The following SPATA13 variants were observed in gnomAD, a reference collection of about 807,000 sequenced individuals.
SPATA13 encodes the protein spermatogenesis associated 13.
Under a neutral mutation model 104.0 loss-of-function variants are expected in SPATA13, and 50 were observed. That is an observed-to-expected ratio of 0.48 (90% confidence interval 0.38 to 0.61). SPATA13 has a LOEUF of 0.61. Ranked by LOEUF, SPATA13 falls within the 20% of genes least tolerant of loss-of-function variation. SPATA13 has a pLI of 0.00. For synonymous variants in SPATA13, 606 were observed against 667.5 expected (o/e 0.91, Z 1.42); for missense variants, 1,524 against 1,690.6 (o/e 0.90, Z 1.73).
At chr13:24,212,212 G>T (rs1484868608) in intron 1 of SPATA13, among the ~76,000 whole-genome samples, 3 of 151,622 alleles carry the variant, frequency 2.0e-5, no homozygotes, top group African/African-American at 7.3e-5. Flanking sequence ...CAGGAGTTCA[G>T]GGCTGTGGGG....
chr13:24,112,341 T>C (rs9553182), intron 3 of SPATA13, among the ~76,000 whole-genome samples: 52,847 of 152,080 alleles, frequency 0.35, 9,706 homozygotes, highest in African/African-American at 0.45. Context: ...TTGTTGCCCC[T>C]ACAGCACCTT....
At chr13:24,128,706 T>C (rs981397132) in intron 3 of SPATA13, among the ~76,000 whole-genome samples, 8 of 144,300 alleles carry the variant, frequency 5.5e-5, no homozygotes, top group Non-Finnish European at 9.0e-5. Flanking sequence ...TTCAGGAGAA[T>C]TTAAACATAA....
chr13:24,003,208 T>C (rs1331592910), intron 2 of SPATA13, among the ~76,000 whole-genome samples: 1 of 152,208 alleles, frequency 6.6e-6, no homozygotes, highest in East Asian at 1.9e-4. Context: ...TAGATGTACC[T>C]ATAGATAGAA....
At position 23,993,464 on chromosome 13, in the gene SPATA13, G is replaced by T. The variant is rs140815722; in HGVS notation, c.-147+9531G>T. On this transcript the variant is annotated intron_variant, in intron 2 of 14. Transcript: ENST00000424834. ...TTGTCTGCACATTTACGGCAATAAG[G>T]CTTCTCTGCAAATAAGAGAAAGCAT... 4.6e-5 allele frequency among the ~76,000 whole-genome samples: 7 copies of T among 152,280 alleles called. No individual in the cohort carries two copies. In the East Asian group the frequency reaches 1.2e-3, roughly 25 times the overall value.
At chr13:24,177,247 G>GA (rs1389301021) in intron 1 of SPATA13, among the ~76,000 whole-genome samples, 1 of 152,158 alleles carries the variant, frequency 6.6e-6, no homozygotes, top group Admixed American at 6.5e-5. Context: ...ATAGATATGT[G>GA]AAAAAAAGAG....
intron 3 of SPATA13, among the ~76,000 whole-genome samples, chr13:24,058,709 C>T (rs1878661735): frequency 6.6e-6 from 1 of 151,768 alleles, no homozygotes; most frequent in African/African-American, 2.4e-5. Context: ...AGTGAATAAT[C>T]GCTAACTATT....
chr13:24,143,748 G>C (rs1257620234), intron 3 of SPATA13, among the ~76,000 whole-genome samples: 1 of 152,134 alleles, frequency 6.6e-6, no homozygotes, highest in Non-Finnish European at 1.5e-5. Context: ...TTCAGAAACT[G>C]TCTGGCTACT....
At chr13:24,237,956 A>G (rs958918553) in intron 2 of SPATA13, among the ~76,000 whole-genome samples, 15 of 148,274 alleles carry the variant, frequency 1.0e-4, no homozygotes, top group Admixed American at 2.0e-4. Context: ...ATATATAAAC[A>G]TACATGTTTA....
At chr13:24,147,724 A>G (rs1881977513) in intron 3 of SPATA13, among the ~76,000 whole-genome samples, 1 of 152,084 alleles carries the variant, frequency 6.6e-6, no homozygotes, top group South Asian at 2.1e-4. Flanking sequence ...CTGAAACTGA[A>G]ACCCTGTACC....
chr13:24,057,303 C>T (rs768047810), intron 3 of SPATA13, among the ~76,000 whole-genome samples: 1 of 151,170 alleles, frequency 6.6e-6, no homozygotes, highest in South Asian at 2.1e-4. Context: ...GGCCACTTCT[C>T]GGCCTGTGGC....
At chr13:24,089,745 G>A (rs1390460843) in intron 3 of SPATA13, among the ~76,000 whole-genome samples, 1 of 152,182 alleles carries the variant, frequency 6.6e-6, no homozygotes, top group Non-Finnish European at 1.5e-5. Flanking sequence ...CATTTCTGCT[G>A]CCATAACAAA....
chr13:24,108,439 G>A (rs1235464190), intron 3 of SPATA13, among the ~76,000 whole-genome samples: 5 of 152,162 alleles, frequency 3.3e-5, no homozygotes, highest in Non-Finnish European at 7.3e-5. Flanking sequence ...GTGACTCACT[G>A]TGGGTGCGTG....
chr13:24,116,014 A>G (rs747703810), intron 3 of SPATA13, among the ~76,000 whole-genome samples: 1 of 152,234 alleles, frequency 6.6e-6, no homozygotes, highest in Non-Finnish European at 1.5e-5. Flanking sequence ...GTCACACGCC[A>G]TCATTTCTGC....
intron 2 of SPATA13, among the ~76,000 whole-genome samples, chr13:24,237,063 A>G (rs761874341): frequency 6.6e-6 from 1 of 152,208 alleles, no homozygotes; most frequent in African/African-American, 2.4e-5. Context: ...TTATGCCTTA[A>G]CAAACATGCT....
At chr13:24,081,782 C>A (rs575827475) in intron 3 of SPATA13, among the ~76,000 whole-genome samples, 1 of 152,304 alleles carries the variant, frequency 6.6e-6, no homozygotes, top group East Asian at 1.9e-4. Context: ...GGAGCTCATT[C>A]CCCTGTCGGC....
intron 3 of SPATA13, among the ~76,000 whole-genome samples, chr13:24,019,093 A>ATTATTT (rs374489803): frequency 1.1e-4 from 15 of 141,128 alleles, no homozygotes; most frequent in African/African-American, 3.2e-4. Flanking sequence ...TATTATTATT[A>ATTATTT]TTTTTTTTTT....
chr13:23,993,372 A>G (rs903435568), intron 2 of SPATA13, among the ~76,000 whole-genome samples: 3 of 152,238 alleles, frequency 2.0e-5, no homozygotes, highest in African/African-American at 7.2e-5. Flanking sequence ...TGTGTGACTG[A>G]AGTAAGTGGT....
chr13:24,261,198 C>T (rs1417406306), intron 4 of SPATA13, among the ~76,000 whole-genome samples: 1 of 152,118 alleles, frequency 6.6e-6, no homozygotes, highest in African/African-American at 2.4e-5. Flanking sequence ...AGTCTGTTGC[C>T]TCGGAAAATG....
intron 3 of SPATA13, among the ~76,000 whole-genome samples, chr13:24,064,744 G>T (rs1458827658): frequency 2.0e-5 from 3 of 152,146 alleles, no homozygotes; most frequent in Non-Finnish European, 4.4e-5. Flanking sequence ...AAATGCTGCT[G>T]GGTGCCTTCT....
Sources: allele counts gnomAD v4.1 joint callset (sites outside exome capture counted in the v4.1 genomes callset), GRCh38; gene constraint gnomAD v4.1.1; transcripts MANE v1.5; gene names NCBI Gene and HGNC (gene_info 2026-07-23, HGNC 2026-07-21).